XRCC5: variants seen among roughly 807,000 people sequenced by gnomAD.
The protein encoded by XRCC5 is DNA repair protein Ku80.
In XRCC5, 12 loss-of-function variants were observed where a neutral mutation model predicts 95.7. The ratio of observed to expected loss-of-function variants is 0.13; its 90% CI spans 0.08 to 0.20. XRCC5 has a LOEUF of 0.20. Ranked by LOEUF, XRCC5 falls within the 10% of genes least tolerant of loss-of-function variation. The pLI, the probability that XRCC5 is intolerant of heterozygous loss-of-function variation, is 1.00. For synonymous variants in XRCC5, 281 were observed against 290.3 expected (o/e 0.97, Z 0.33); for missense variants, 595 against 873.9 (o/e 0.68, Z 4.02).
chr2:216,182,333 A>G (rs1394195032), intron 16 of XRCC5, among the ~76,000 whole-genome samples: 1 of 152,168 alleles, frequency 6.6e-6, no homozygotes, highest in Admixed American at 6.5e-5. Context: ...GGTATCTTCT[A>G]CTTACTTCCT....
chr2:216,197,106 A>G lies in XRCC5; in HGVS notation c.2109+2120A>G, dbSNP rs547368133. ...GCTAAGTTAACCCAGAATATTAGACAGGAAAGAAATCTGAAAACAGATGAT... is the reference window on the plus strand; with the variant it reads ...GCTAAGTTAACCCAGAATATTAGACGGGAAAGAAATCTGAAAACAGATGAT... On this transcript the variant is annotated intron_variant, in intron 19 of 20. Coordinates refer to ENST00000392132, the MANE Select transcript of XRCC5 (RefSeq NM_021141.4). Among the ~76,000 whole-genome samples, 4 of 152,342 alleles carry G rather than the reference A, an allele frequency of 2.6e-5. No individual in the cohort carries two copies. The East Asian group carries it at 5.8e-4, about 22-fold the overall frequency.
At chr2:216,185,681 CTTT>C (rs201760459) in intron 16 of XRCC5, among the ~76,000 whole-genome samples, 1 of 142,956 alleles carries the variant, frequency 7.0e-6, no homozygotes, top group African/African-American at 2.6e-5. Context: ...TTTTCTTTTT[CTTT>C]TTTTTTTTTG....
chr2:216,130,076 A>G (rs1489225682), intron 8 of XRCC5, among the ~76,000 whole-genome samples: 3 of 152,104 alleles, frequency 2.0e-5, no homozygotes, highest in African/African-American at 7.2e-5. Flanking sequence ...TGAAAGTTTT[A>G]TTGTGTCTTG....
intron 2 of XRCC5, among the ~76,000 whole-genome samples, chr2:216,113,654 G>T (rs945623405): frequency 6.6e-6 from 1 of 152,210 alleles, no homozygotes; most frequent in African/African-American, 2.4e-5. Context: ...GGCAGCTGGG[G>T]CTGGAGTCAC....
chr2:216,140,897 G>A (rs953032651), intron 12 of XRCC5, among the ~76,000 whole-genome samples: 1 of 151,992 alleles, frequency 6.6e-6, no homozygotes, highest in African/African-American at 2.4e-5. Context: ...GTTTTTATAT[G>A]GCTGTATTCC....
At position 216,165,577 on chromosome 2, in the gene XRCC5, A is replaced by G. The variant is rs1226764459; in HGVS notation, c.1834+3529A>G. On this transcript the variant is annotated intron_variant, in intron 16 of 20. Transcript: ENST00000392132. ...TTTTCCGCTAGGGCATCTTTTTACT[A>G]ACGCCCTTTATAAGCCAAGACTCAC... is the stretch of plus-strand genomic sequence containing the variant. Among the ~76,000 whole-genome samples, 6 of 152,128 alleles carry G rather than the reference A, an allele frequency of 3.9e-5. No homozygotes were observed. The East Asian group carries it at 1.2e-3, about 29-fold the overall frequency.
chr2:216,183,842 A>G (rs6729441), intron 16 of XRCC5, among the ~76,000 whole-genome samples: 21,837 of 152,120 alleles, frequency 0.14, 1,722 homozygotes, highest in African/African-American at 0.21. Flanking sequence ...AGGTTACTCA[A>G]GCTTATGCTT....
chr2:216,160,332 A>G (rs1230838912), intron 15 of XRCC5, among the ~76,000 whole-genome samples, 171 bp downstream of exon 15: 3 of 152,188 alleles, frequency 2.0e-5, no homozygotes, highest in Non-Finnish European at 4.4e-5. Flanking sequence ...TACTTCTTTA[A>G]GTAATTATTA....
intron 16 of XRCC5, among the ~76,000 whole-genome samples, chr2:216,185,345 G>A (rs946842239): frequency 6.6e-6 from 1 of 152,178 alleles, no homozygotes; most frequent in South Asian, 2.1e-4. Context: ...ATTTATATCC[G>A]ATAGTAAAGA....
chr2:216,195,450 T>G (rs938968201), intron 19 of XRCC5, among the ~76,000 whole-genome samples: 2 of 150,836 alleles, frequency 1.3e-5, no homozygotes, highest in African/African-American at 4.9e-5. Flanking sequence ...TAATACTGAT[T>G]AAAAATCAGA....
chr2:216,176,379 A>T (rs1321390542), intron 16 of XRCC5, among the ~76,000 whole-genome samples: 1 of 152,198 alleles, frequency 6.6e-6, no homozygotes, highest in African/African-American at 2.4e-5. Flanking sequence ...TTGGCCTCCC[A>T]AAGTGCTGGG....
chr2:216,156,195 A>G (rs1330659842), intron 14 of XRCC5: 4 of 399,068 alleles, frequency 1.0e-5, no homozygotes, highest in Non-Finnish European at 4.8e-6. Context: ...ACATTTGTAT[A>G]TCCTTCCATA....
chr2:216,179,633 G>A (rs1262220649), intron 16 of XRCC5, among the ~76,000 whole-genome samples: 1 of 152,168 alleles, frequency 6.6e-6, no homozygotes, highest in Non-Finnish European at 1.5e-5. Flanking sequence ...GACAGAGGGA[G>A]CAGCATGTTC....
chr2:216,115,732 G>C, intron 2 of XRCC5, among the ~76,000 whole-genome samples: 1 of 151,748 alleles, frequency 6.6e-6, no homozygotes, highest in South Asian at 2.1e-4. Context: ...TCATAAAATA[G>C]GCAAATATGG....
At chr2:216,125,363 A>G (rs1214304633) in intron 6 of XRCC5, among the ~76,000 whole-genome samples, 1 of 151,960 alleles carries the variant, frequency 6.6e-6, no homozygotes, top group African/African-American at 2.4e-5. Context: ...ACACCTGGCT[A>G]ATTTTGTATT....
intron 14 of XRCC5, among the ~76,000 whole-genome samples, chr2:216,159,867 G>A (rs1474571137): frequency 6.6e-6 from 1 of 152,146 alleles, no homozygotes; most frequent in Non-Finnish European, 1.5e-5. Flanking sequence ...TTAGGAGCCC[G>A]GTGGCTAGGA....
At position 216,206,185 on chromosome 2, in the gene XRCC5, ACTT is replaced by A. The variant is rs1359349867; in HGVS notation, c.*987_*989del. 3 of 151,994 alleles carry A rather than the reference ACTT, an allele frequency of 2.0e-5. No individual in the cohort carries two copies. Among genetic ancestry groups the A allele is most frequent in the Non-Finnish European group, 4.4e-5 (3 of 68,008 alleles). 9.4% of individuals were successfully genotyped at this position (151,994 alleles called of 1,614,324 possible). ...GTTCCAGTTCCTCTTTGGTGTACAG[ACTT>A]CTTGGTACCCAGTCACCTCTGTCTT... is the stretch of plus-strand genomic sequence containing the variant. On this transcript the variant is annotated 3_prime_UTR_variant, in exon 21 of 21. Transcript: ENST00000392132.
At chr2:216,164,618 T>C (rs1278785162) in intron 16 of XRCC5, among the ~76,000 whole-genome samples, 8 of 152,128 alleles carry the variant, frequency 5.3e-5, no homozygotes, top group Non-Finnish European at 8.8e-5. Flanking sequence ...AGGAAGCTCC[T>C]CAGCATCATA....
intron 16 of XRCC5, among the ~76,000 whole-genome samples, chr2:216,182,889 A>T (rs1383231503): frequency 6.6e-6 from 1 of 152,214 alleles, no homozygotes; most frequent in Non-Finnish European, 1.5e-5. Flanking sequence ...AATATTTTTA[A>T]TAAAAAATTA....
Sources: allele counts gnomAD v4.1 joint callset (sites outside exome capture counted in the v4.1 genomes callset), GRCh38; gene constraint gnomAD v4.1.1; transcripts MANE v1.5; gene names NCBI Gene and HGNC (gene_info 2026-07-23, HGNC 2026-07-21).